Variants in HECW1 observed in about 807,000 individuals in gnomAD.
HECW1 encodes the protein HECT, C2 and WW domain containing E3 ubiquitin protein ligase 1, also known as E3 ubiquitin-protein ligase HECW1.
Under a neutral mutation model 182.3 loss-of-function variants are expected in HECW1, and 61 were observed. That is an observed-to-expected ratio of 0.33 (90% CI 0.27 to 0.41). The LOEUF is 0.41. Ranked by LOEUF, HECW1 falls within the 10% of genes least tolerant of loss-of-function variation. The pLI, the probability that HECW1 is intolerant of heterozygous loss-of-function variation, is 1.00. For synonymous variants in HECW1, 859 were observed against 832.6 expected (o/e 1.03, Z -0.55); for missense variants, 1,739 against 2,108.9 (o/e 0.82, Z 3.44).
intron 2 of HECW1, among the ~76,000 whole-genome samples, chr7:43,135,739 A>G (rs186526777): frequency 1.3e-5 from 2 of 152,280 alleles, no homozygotes; most frequent in East Asian, 1.9e-4. Context: ...TTTTCACTCT[A>G]AAGCAGACTT....
At chr7:43,167,307 T>A (rs185730924) in intron 2 of HECW1, among the ~76,000 whole-genome samples, 101 of 152,306 alleles carry the variant, frequency 6.6e-4, no homozygotes, top group Non-Finnish European at 1.2e-3. Flanking sequence ...TGTCTCTGTG[T>A]CTTCTCTTCT....
At chr7:43,532,022 C>G (rs938759959) in intron 24 of HECW1, among the ~76,000 whole-genome samples, 7 of 152,214 alleles carry the variant, frequency 4.6e-5, no homozygotes, top group African/African-American at 1.7e-4. Context: ...GTACAACTGC[C>G]TGCTCCACAG....
intron 5 of HECW1, among the ~76,000 whole-genome samples, chr7:43,352,513 G>T (rs1475000863): frequency 6.6e-6 from 1 of 152,138 alleles, no homozygotes; most frequent in Non-Finnish European, 1.5e-5. Context: ...CAGCAAACTT[G>T]AGTTATTAAA....
In HECW1 at chr7:43,562,377, C is replaced by G. The variant is rs575399670; in HGVS notation, c.*451C>G. ...ACCATTTTTTATAATTTCTAATAAC[C>G]AACTCCAGAACTAGGAGCTGATCAA... On this transcript the variant is annotated 3_prime_UTR_variant, in exon 30 of 30. Transcript: ENST00000395891. 117 of 229,698 alleles carry G rather than the reference C, an allele frequency of 5.1e-4. No homozygotes were observed. Among genetic ancestry groups the G allele is most frequent in the Non-Finnish European group, 8.7e-4 (101 of 115,908 alleles). The allele number at this position is 229,698 out of a possible 1,614,324, so 14.2% of individuals were successfully genotyped here. A position where few individuals can be genotyped will look rare whatever the true frequency, so the allele number is the denominator to read the frequency against.
At chr7:43,442,388 CT>C in intron 9 of HECW1, 140 bp from the exon 10 acceptor site, 1 of 615,352 alleles carries the variant, frequency 1.6e-6, no homozygotes, top group Non-Finnish European at 3.0e-6. Context: ...TAAGGACTTC[CT>C]TACAGTTTTG....
chr7:43,221,609 A>G (rs951338841), intron 2 of HECW1, among the ~76,000 whole-genome samples: 7 of 111,358 alleles, frequency 6.3e-5, no homozygotes, highest in African/African-American at 2.5e-4. Context: ...GCTGGAGTGC[A>G]GTGGCGCTAT....
intron 2 of HECW1, among the ~76,000 whole-genome samples, chr7:43,165,992 T>C (rs994597602): frequency 2.0e-5 from 3 of 152,252 alleles, no homozygotes; most frequent in Non-Finnish European, 2.9e-5. Flanking sequence ...CTGCCGTGGT[T>C]CAAGCACAGC....
intron 8 of HECW1, among the ~76,000 whole-genome samples, chr7:43,421,466 A>C (rs1584851657): frequency 6.6e-6 from 1 of 152,232 alleles, no homozygotes; most frequent in Admixed American, 6.5e-5. Flanking sequence ...ATTAAGAACC[A>C]CCGTTCATCA....
chr7:43,349,159 C>G (rs1047351710), intron 5 of HECW1, among the ~76,000 whole-genome samples: 4 of 152,064 alleles, frequency 2.6e-5, no homozygotes, highest in Non-Finnish European at 5.9e-5. Context: ...CTCAGCCTAC[C>G]GAGTAGTTGG....
Position 43,243,691 on chromosome 7 carries a change from C to A in HECW1, c.-31-184C>A, listed in dbSNP as rs967341562. On this transcript the variant is annotated intron_variant, in intron 2 of 29. Transcript: ENST00000395891. This position sits in a 1 kb window ranked among gnomAD's most constrained non-coding sequence, Gnocchi z 4.0. ...TTATGGCACAGAATAATGTTGCTTG[C>A]AACTTTTTATCCACTTTATCAAAAT... 6.6e-6 allele frequency among the ~76,000 whole-genome samples: 1 copy of A among 152,040 alleles called. No homozygotes were observed. The highest frequency in any genetic ancestry group is 2.4e-5 in the African/African-American group (1 of 41,406).
At chr7:43,406,612 A>G (rs1325853422) in intron 7 of HECW1, among the ~76,000 whole-genome samples, 1 of 152,126 alleles carries the variant, frequency 6.6e-6, no homozygotes, top group Non-Finnish European at 1.5e-5. Flanking sequence ...CAATAATAGA[A>G]AAGCTTTAAA....
intron 2 of HECW1, among the ~76,000 whole-genome samples, chr7:43,155,561 T>A (rs888566331): frequency 2.6e-5 from 4 of 152,178 alleles, no homozygotes; most frequent in African/African-American, 9.7e-5. Flanking sequence ...CAAAAGAATT[T>A]TATATATATG....
intron 2 of HECW1, among the ~76,000 whole-genome samples, chr7:43,164,086 A>T (rs1790837541): frequency 1.3e-5 from 2 of 151,950 alleles, no homozygotes. Flanking sequence ...GCTTGGGTGG[A>T]GGTAGTGGGA....
chr7:43,337,268 A>G (rs946366725), intron 5 of HECW1, among the ~76,000 whole-genome samples: 3 of 152,136 alleles, frequency 2.0e-5, no homozygotes, highest in African/African-American at 7.2e-5. Flanking sequence ...TGTGATTTTA[A>G]TTTGCATTTC....
rs2079824858 is a variant in HECW1, at chr7:43,510,777, T to G, written c.4019+1656T>G. Among the ~76,000 whole-genome samples the G allele has an allele frequency of 2.6e-5, 4 of 152,098 alleles. No individual in the cohort carries two copies. The South Asian group carries it at 8.3e-4, about 32-fold the overall frequency. ...AGGACAACAGGGACAAGTACCACGGTGGGATGAATGGAAGCTGACGTTTGA... is the reference window on the plus strand; with the variant it reads ...AGGACAACAGGGACAAGTACCACGGGGGGATGAATGGAAGCTGACGTTTGA... On this transcript the variant is annotated intron_variant, in intron 24 of 29. Transcript: ENST00000395891.
At chr7:43,257,863 G>T (rs185526698) in intron 3 of HECW1, among the ~76,000 whole-genome samples, 1 of 152,208 alleles carries the variant, frequency 6.6e-6, no homozygotes, top group East Asian at 1.9e-4. Context: ...GAAGAATAGT[G>T]GTATTCAGTG....
chr7:43,325,612 C>G lies in HECW1; in HGVS notation c.460+4870C>G, dbSNP rs547400109. On this transcript the variant is annotated intron_variant, in intron 5 of 29. Coordinates refer to ENST00000395891, the MANE Select transcript of HECW1 (RefSeq NM_015052.5). The stretch of plus-strand genomic sequence containing the variant: ...ACTGCCAAAGGGGCTGCCCTTCTCC[C>G]CCGCCCTTGTGTTGTCGTCACTGTC... 1.5e-4 allele frequency among the ~76,000 whole-genome samples: 22 copies of G among 151,256 alleles called. No individual in the cohort carries two copies. The South Asian group carries it at 4.6e-3, about 32-fold the overall frequency.
intron 3 of HECW1, among the ~76,000 whole-genome samples, chr7:43,253,802 G>A (rs755876983): frequency 4.7e-4 from 71 of 152,222 alleles, no homozygotes; most frequent in Non-Finnish European, 6.5e-4. Flanking sequence ...CAGCTACTGG[G>A]GAAGCTGAGG....
intron 24 of HECW1, chr7:43,510,981 A>T (rs145904518): frequency 6.6e-6 from 1 of 152,286 alleles, no homozygotes; most frequent in African/African-American, 2.4e-5. Context: ...CCTGCAACCA[A>T]CCTGGCTTTG....
Sources: allele counts gnomAD v4.1 joint callset (sites outside exome capture counted in the v4.1 genomes callset), GRCh38; gene constraint gnomAD v4.1.1; non-coding constraint Gnocchi (gnomAD v3.1); transcripts MANE v1.5; gene names NCBI Gene and HGNC (gene_info 2026-07-23, HGNC 2026-07-21).